The following OGFOD3 variants were observed in gnomAD, a reference collection of about 807,000 sequenced individuals.
OGFOD3 encodes 2-oxoglutarate and iron dependent oxygenase domain containing 3, also known as 2-oxoglutarate and iron-dependent oxygenase domain-containing protein 3.
A neutral mutation model predicts 39.8 loss-of-function variants in OGFOD3; 35 were observed. That is an observed-to-expected ratio of 0.88 (90% CI 0.67 to 1.17). The LOEUF (loss-of-function observed/expected upper bound fraction) is 1.17. OGFOD3 is among the 50% of genes most tolerant of loss of function. The pLI is 0.00. For synonymous variants in OGFOD3, 200 were observed against 192.0 expected, an observed-to-expected ratio of 1.04 and a Z score of -0.34; for missense variants, 438 against 454.5, an observed-to-expected ratio of 0.96 and a Z score of 0.33.
intron 4 of OGFOD3, among the ~76,000 whole-genome samples, 179 bp downstream of exon 4, chr17:82,409,189 C>A (rs1050826537): frequency 6.6e-5 from 10 of 152,208 alleles, no homozygotes; most frequent in Admixed American, 3.9e-4. Context: ...CGAGGGGACG[C>A]CGCACGGGTT....
intron 8 of OGFOD3, chr17:82,394,364 C>T: frequency 1.3e-6 from 2 of 1,578,866 alleles, no homozygotes; most frequent in Non-Finnish European, 8.6e-7. Context: ...GCACGGCAAC[C>T]AAGGAATCAA....
intron 7 of OGFOD3, among the ~76,000 whole-genome samples, chr17:82,401,724 A>T (rs2052766428): frequency 6.8e-6 from 1 of 147,796 alleles, no homozygotes; most frequent in Non-Finnish European, 1.5e-5. Context: ...GAATGGCTTG[A>T]ACCTGGGAGG....
intron 3 of OGFOD3, among the ~76,000 whole-genome samples, chr17:82,410,919 C>G (rs2052931792): frequency 6.6e-6 from 1 of 151,548 alleles, no homozygotes; most frequent in South Asian, 2.1e-4. Context: ...GGGGTTTCAC[C>G]ATGTTGCCCA....
chr17:82,391,029 G>A lies in OGFOD3; in HGVS notation c.*1369C>T. ...TCCAGTCAGAGGCACCTGTGCCAGG[G>A]GCTAGGGAACATGGATCTATGCCAG... On this transcript the variant is annotated 3_prime_UTR_variant, in exon 9 of 9. Coordinates refer to ENST00000313056, the MANE Select transcript of OGFOD3 (RefSeq NM_024648.3). This position sits in a 1 kb window ranked among gnomAD's most constrained non-coding sequence, Gnocchi z 5.1. 1 of 176,884 alleles carries A rather than the reference G, an allele frequency of 5.7e-6. No homozygotes were observed. The highest frequency in any genetic ancestry group is 8.9e-5 in the South Asian group (1 of 11,252). 11.0% of individuals were successfully genotyped at this position (176,884 alleles called of 1,614,324 possible).
Position 82,406,609 on chromosome 17 carries a change from GTT to G in OGFOD3, c.424-129_424-128del. On this transcript the variant is annotated intron_variant, in intron 4 of 8. Coordinates refer to ENST00000313056, the MANE Select transcript of OGFOD3 (RefSeq NM_024648.3). The surrounding 1 kb of genome is among the most constrained non-coding windows in gnomAD (Gnocchi z 5.2). ...ACACCTCAGGTGTTTTTTTGTTTTT[GTT>G]TTTGTTTTTTGTAAAAAGGATCTTA... is the stretch of plus-strand genomic sequence containing the variant. The G allele has an allele frequency of 1.3e-6, 1 of 799,960 alleles. No homozygotes were observed. The highest frequency in any genetic ancestry group is 1.7e-5 in the African/African-American group (1 of 58,488). The allele number at this position is 799,960 out of a possible 1,614,324, so 49.6% of individuals were successfully genotyped here. A position where few individuals can be genotyped will look rare whatever the true frequency, so the allele number is the denominator to read the frequency against.
chr17:82,410,325 C>T (rs963339200), intron 3 of OGFOD3, among the ~76,000 whole-genome samples: 8 of 152,230 alleles, frequency 5.3e-5, no homozygotes, highest in South Asian at 2.1e-4. Flanking sequence ...GGGCAGGGCA[C>T]GTGGCCCAGG....
At chr17:82,399,019 A>AG (rs58634254) in intron 7 of OGFOD3, among the ~76,000 whole-genome samples, 67,115 of 103,846 alleles carry the variant, frequency 0.65, 17,808 homozygotes, top group South Asian at 0.74. Flanking sequence ...TGGTGGGGGC[A>AG]GGGGGGCGGG....
At chr17:82,409,230 T>C (rs1317373350) in intron 4 of OGFOD3, 138 bp downstream of exon 4, 8 of 798,998 alleles carry the variant, frequency 1.0e-5, no homozygotes, top group Non-Finnish European at 1.5e-5. Context: ...CGGCTGGTGC[T>C]GAGAAACACC....
At chr17:82,412,582 AG>A (rs901552345) in intron 2 of OGFOD3, among the ~76,000 whole-genome samples, 1 of 124,880 alleles carries the variant, frequency 8.0e-6, no homozygotes, top group African/African-American at 3.1e-5. Context: ...TGTTTGGGGC[AG>A]GGGCAGGGTG....
chr17:82,409,015 T>C (rs1484897800), intron 4 of OGFOD3, among the ~76,000 whole-genome samples: 5 of 152,226 alleles, frequency 3.3e-5, no homozygotes, highest in African/African-American at 1.2e-4. Context: ...CGGGCTCTCC[T>C]GTGTCCAGCA....
chr17:82,413,989 G>A (rs1265150075), intron 2 of OGFOD3, among the ~76,000 whole-genome samples: 3 of 152,118 alleles, frequency 2.0e-5, no homozygotes, highest in African/African-American at 7.2e-5. Flanking sequence ...TTTTTAAAAA[G>A]TGCGCAGTGT....
intron 8 of OGFOD3, among the ~76,000 whole-genome samples, chr17:82,397,294 G>A (rs1159762382): frequency 6.6e-6 from 1 of 150,460 alleles, no homozygotes; most frequent in Non-Finnish European, 1.5e-5. Flanking sequence ...CCACAGGTGA[G>A]GGCAGTGCCC....
chr17:82,390,573 G>C lies in OGFOD3; in HGVS notation c.*1825C>G, dbSNP rs1485190460. ...TCAGGGTTCCTGCCCCATCTGCCCA[G>C]AGCCTGCAGCCCTGACCAAGGAGGG... is the stretch of plus-strand genomic sequence containing the variant. On this transcript the variant is annotated 3_prime_UTR_variant, in exon 9 of 9. Coordinates refer to ENST00000313056, the MANE Select transcript of OGFOD3 (RefSeq NM_024648.3). The surrounding 1 kb of genome is among the most constrained non-coding windows in gnomAD (Gnocchi z 4.9). 6.3e-6 allele frequency: 1 copy of C among 159,162 alleles called. No homozygotes were observed. The highest frequency in any genetic ancestry group is 2.4e-5 in the African/African-American group (1 of 41,488). 9.9% of individuals were successfully genotyped at this position (159,162 alleles called of 1,614,324 possible). A position where few individuals can be genotyped will look rare whatever the true frequency, so the allele number is the denominator to read the frequency against.
intron 1 of OGFOD3, 118 bp downstream of exon 1, chr17:82,418,294 G>C (rs890807109): frequency 2.2e-4 from 20 of 90,170 alleles, no homozygotes; most frequent in South Asian, 6.3e-4. Context: ...ACGCCCACCT[G>C]CCCCCCCCCA....
At chr17:82,418,362 A>G (rs1336360764) in intron 1 of OGFOD3, 50 bp downstream of exon 1, 9 of 1,082,956 alleles carry the variant, frequency 8.3e-6, no homozygotes, top group Non-Finnish European at 1.1e-5. Flanking sequence ...CGCCCACTCC[A>G]TGGCCCTGTC....
In OGFOD3 at chr17:82,390,494, A is replaced by T. The variant is rs2052586658; in HGVS notation, c.*1904T>A. On this transcript the variant is annotated 3_prime_UTR_variant, in exon 9 of 9. Transcript: ENST00000313056. The surrounding 1 kb of genome is among the most constrained non-coding windows in gnomAD (Gnocchi z 4.9). ...TCCCAGATCCATGGAGTCCTTCAGA[A>T]TCGTGCCTCGCTCCAGTGTCCCACA... The T allele has an allele frequency of 6.5e-6, 1 of 152,766 alleles. No individual in the cohort carries two copies. The highest frequency in any genetic ancestry group is 2.4e-5 in the African/African-American group (1 of 41,456). The allele number at this position is 152,766 out of a possible 1,614,324, so 9.5% of individuals were successfully genotyped here. A position where few individuals can be genotyped will look rare whatever the true frequency, so the allele number is the denominator to read the frequency against.
At chr17:82,409,690 T>C (rs2052913951) in intron 3 of OGFOD3, among the ~76,000 whole-genome samples, 1 of 151,942 alleles carries the variant, frequency 6.6e-6, no homozygotes, top group African/African-American at 2.4e-5. Context: ...AGGTCAGGAG[T>C]TCCAGACCAG....
intron 4 of OGFOD3, 102 bp downstream of exon 4, chr17:82,409,266 G>A (rs991902085): frequency 4.2e-5 from 50 of 1,201,148 alleles, no homozygotes; most frequent in Admixed American, 1.8e-4. Flanking sequence ...CACATTTGGG[G>A]GCACGCAGGG....
intron 1 of OGFOD3, among the ~76,000 whole-genome samples, chr17:82,417,481 T>C (rs940950983): frequency 1.4e-4 from 21 of 151,852 alleles, no homozygotes; most frequent in Non-Finnish European, 5.9e-5. Context: ...TAGCCGGGCA[T>C]GGTGGCGGGC....
Sources: gnomAD v4.1 joint callset for allele counts (sites outside exome capture counted in the v4.1 genomes callset) on GRCh38, gnomAD v4.1.1 for gene constraint, Gnocchi (gnomAD v3.1) non-coding constraint, MANE v1.5 for transcripts, NCBI Gene and HGNC (gene_info 2026-07-23, HGNC 2026-07-21) for gene names.